SPATA13: variants seen among roughly 807,000 people sequenced by gnomAD.
The protein encoded by SPATA13 is spermatogenesis associated 13.
A neutral mutation model predicts 104.0 loss-of-function variants in SPATA13; 50 were observed. The ratio of observed to expected loss-of-function variants is 0.48; its 90% CI spans 0.38 to 0.61. The LOEUF (loss-of-function observed/expected upper bound fraction) is 0.61. Among genes scored for constraint, SPATA13 ranks in the 20% least tolerant of loss-of-function variants. The pLI is 0.00. For synonymous variants in SPATA13, 606 were observed against 667.5 expected (o/e 0.91, Z 1.42); for missense variants, 1,524 against 1,690.6 (o/e 0.90, Z 1.73).
chr13:24,076,732 C>T (rs77010473), intron 3 of SPATA13, among the ~76,000 whole-genome samples: 8,617 of 151,636 alleles, frequency 0.057, 270 homozygotes, highest in Middle Eastern at 0.1. Context: ...GAAGAGAAAA[C>T]ACCTAGAGAC....
Position 24,297,455 on chromosome 13 carries a change from C to A in SPATA13, c.3303C>A (p.Phe1101Leu). The A allele has an allele frequency of 6.2e-7, 1 of 1,614,222 alleles. No homozygotes were observed. The highest frequency in any genetic ancestry group is 8.5e-7 in the Non-Finnish European group (1 of 1,180,054). Residue 1101 changes from phenylalanine (F) to leucine (L), a missense_variant, in exon 11 of 13, where the codon TTC becomes TTA. Transcript: ENST00000382108. ...TKQGKSQQRT[F>L]FLFDHQLVSC... ...AAGGCAAAAGCCAGCAGCGGACGTT[C>A]TTCCTGTTTGACCACCAGCTGGTGT...
chr13:24,222,244 G>T (rs1366470882), intron 1 of SPATA13, among the ~76,000 whole-genome samples: 1 of 152,166 alleles, frequency 6.6e-6, no homozygotes, highest in Non-Finnish European at 1.5e-5. Flanking sequence ...CTTCCCGCCT[G>T]TGTCTAGGTG....
chr13:24,142,322 G>T (rs547391902), intron 3 of SPATA13, among the ~76,000 whole-genome samples: 1 of 152,096 alleles, frequency 6.6e-6, no homozygotes, highest in Non-Finnish European at 1.5e-5. Context: ...TCCTTTTGCT[G>T]GTTCAGGTTA....
At chr13:24,137,576 A>G (rs1382131494) in intron 3 of SPATA13, among the ~76,000 whole-genome samples, 1 of 152,116 alleles carries the variant, frequency 6.6e-6, no homozygotes, top group Non-Finnish European at 1.5e-5. Context: ...TCCGGCCAAC[A>G]TGGTGAAACC....
chr13:24,096,753 C>A (rs1189928001), intron 3 of SPATA13, among the ~76,000 whole-genome samples: 1 of 152,092 alleles, frequency 6.6e-6, no homozygotes, highest in Non-Finnish European at 1.5e-5. Context: ...GCAGAGGCTG[C>A]CCCAGGGCAG....
At chr13:24,260,218 G>A (rs1361732583) in intron 4 of SPATA13, among the ~76,000 whole-genome samples, 1 of 152,212 alleles carries the variant, frequency 6.6e-6, no homozygotes, top group South Asian at 2.1e-4. Context: ...GAGGCTTTAG[G>A]GATGAAGGGA....
At chr13:24,302,459 CAAAAAAAAAAAAAAAAAAAA>C (rs71070678) in intron 12 of SPATA13, 119 bp from the exon 13 acceptor site, 2 of 194,078 alleles carry the variant, frequency 1.0e-5, no homozygotes, top group African/African-American at 4.2e-5. Context: ...GACCCTGTCT[CAAAAAAAAAAAAAAAAAAAA>C]AAAAAAAAAA....
rs77598857 is a variant in SPATA13 at position 24,004,563 on chromosome 13, C to T, written c.-146-13104C>T. ...GTAGGGCTGCCCCCTTATGAAGGTG[C>T]TCCTTCCTTGGGAGTTCTCCTGGGT... is the stretch of plus-strand genomic sequence containing the variant. On this transcript the variant is annotated intron_variant, in intron 2 of 14. Coordinates refer to the SPATA13 transcript ENST00000424834. Among the ~76,000 whole-genome samples, 577 of 152,282 alleles carry T rather than the reference C, an allele frequency of 3.8e-3. 3 individuals carry two copies. Among genetic ancestry groups the T allele is most frequent in the African/African-American group, 0.011 (466 of 41,546 alleles).
At chr13:24,209,012 A>C (rs1251658133) in intron 1 of SPATA13, among the ~76,000 whole-genome samples, 1 of 152,232 alleles carries the variant, frequency 6.6e-6, no homozygotes, top group Non-Finnish European at 1.5e-5. Context: ...CAAGAGTCTA[A>C]TCTCCAGGGG....
intron 3 of SPATA13, among the ~76,000 whole-genome samples, chr13:24,050,694 T>C (rs964550075): frequency 8.5e-5 from 13 of 152,164 alleles, no homozygotes; most frequent in Non-Finnish European, 1.8e-4. Flanking sequence ...GGAGGCATTT[T>C]CTAAAACTTG....
At chr13:24,124,410 G>C (rs74040222) in intron 3 of SPATA13, among the ~76,000 whole-genome samples, 3,116 of 152,236 alleles carry the variant, frequency 0.02, 125 homozygotes, top group African/African-American at 0.071. Context: ...GTAGAGCCCC[G>C]TCAGTGTCTA....
chr13:24,297,763 C>T, intron 11 of SPATA13, 28 bp downstream of exon 11: 1 of 1,583,892 alleles, frequency 6.3e-7, no homozygotes, highest in East Asian at 2.2e-5. Flanking sequence ...CTGCAGGCAC[C>T]TGTGCCTCTG....
intron 3 of SPATA13, among the ~76,000 whole-genome samples, chr13:24,102,335 T>C (rs1017906719): frequency 2.6e-5 from 4 of 152,226 alleles, no homozygotes; most frequent in African/African-American, 9.6e-5. Flanking sequence ...TTATTTGTTT[T>C]TGTTGTTGTT....
intron 3 of SPATA13, among the ~76,000 whole-genome samples, chr13:24,087,741 GCT>G (rs1179522690): frequency 6.6e-6 from 1 of 152,186 alleles, no homozygotes; most frequent in East Asian, 1.9e-4. Context: ...ACCCTGGGAA[GCT>G]CTTTGATCTA....
intron 3 of SPATA13, among the ~76,000 whole-genome samples, chr13:24,061,866 GT>G (rs200607783): frequency 6.8e-6 from 1 of 147,794 alleles, no homozygotes; most frequent in Non-Finnish European, 1.5e-5. Context: ...TAACATAAAA[GT>G]TTTTAAAAAA....
rs78764725 is a variant in SPATA13 at position 24,042,340 on chromosome 13, T to C, written c.-112+24639T>C. Among the ~76,000 whole-genome samples the C allele has an allele frequency of 5.5e-4, 84 of 152,278 alleles. 1 individual carries two copies. In the East Asian group the frequency reaches 0.015, roughly 28 times the overall value. ...AGACACAGGAAAAATTAACATAAAA[T>C]GTAAAAGTTCAAGTTGGAAAGCCAA... is the stretch of plus-strand genomic sequence containing the variant. On this transcript the variant is annotated intron_variant, in intron 3 of 14. Transcript: ENST00000424834.
chr13:24,122,534 G>A (rs911253759), intron 3 of SPATA13: 8 of 1,588,806 alleles, frequency 5.0e-6, no homozygotes, highest in Non-Finnish European at 6.9e-6. Flanking sequence ...GGTTCCTCTG[G>A]TCAGTGCCAC....
chr13:24,169,129 C>T (rs140408177), intron 1 of SPATA13, among the ~76,000 whole-genome samples: 1 of 152,020 alleles, frequency 6.6e-6, no homozygotes, highest in East Asian at 1.9e-4. Flanking sequence ...CTCTGCGTGT[C>T]CTTGGGCCAC....
intron 2 of SPATA13, among the ~76,000 whole-genome samples, chr13:23,991,975 T>A (rs1184165753): frequency 1.3e-5 from 2 of 152,228 alleles, no homozygotes; most frequent in Non-Finnish European, 2.9e-5. Context: ...GTTATTGTAA[T>A]GATTGGCACT....
Sources: gnomAD v4.1 joint callset for allele counts (sites outside exome capture counted in the v4.1 genomes callset) on GRCh38, gnomAD v4.1.1 for gene constraint, MANE v1.5 for transcripts, NCBI Gene and HGNC (gene_info 2026-07-23, HGNC 2026-07-21) for gene names.